The following USP42 variants were observed in gnomAD, a reference collection of about 807,000 sequenced individuals.
USP42 encodes the protein ubiquitin specific peptidase 42, also known as ubiquitin carboxyl-terminal hydrolase 42.
USP42 carries 23 observed loss-of-function variants against 113.0 expected under a neutral mutation model. That is an observed-to-expected ratio of 0.20 (90% CI 0.15 to 0.29). The LOEUF (loss-of-function observed/expected upper bound fraction) is 0.29. Ranked by LOEUF, USP42 falls within the 10% of genes least tolerant of loss-of-function variation. The pLI, the probability that USP42 is intolerant of heterozygous loss-of-function variation, is 1.00. For missense variants in USP42, 2,174 were observed against 1,779.8 expected, an observed-to-expected ratio of 1.22 and a Z score of -3.99; for synonymous variants, 933 against 699.0, an observed-to-expected ratio of 1.33 and a Z score of -5.28.
At chr7:6,082,611 T>TTTTTTTTTTTC in the USP42 span, among the ~76,000 whole-genome samples, 1 of 82,766 alleles carries the variant, frequency 1.2e-5, no homozygotes, top group Non-Finnish European at 2.9e-5. Context: ...CTGTTTTTTT[T>TTTTTTTTTTTC]TTTTTTTTTT....
At position 6,158,735 on chromosome 7, in the gene USP42, A is replaced by G. The variant is rs1472474767; in HGVS notation, c.3944-715A>G. ...CGTTCCCATTTCAGCGAATCGGGGA[A>G]GGAGATTCGTGAGGGCTGCTTGGTA... On this transcript the variant is annotated intron_variant, in intron 16 of 17. Coordinates refer to ENST00000306177, the MANE Select transcript of USP42 (RefSeq NM_032172.3). The surrounding 1 kb of genome is among the most constrained non-coding windows in gnomAD (Gnocchi z 4.2). Among the ~76,000 whole-genome samples, 1 of 152,096 alleles carries G rather than the reference A, an allele frequency of 6.6e-6. No individual in the cohort carries two copies. The highest frequency in any genetic ancestry group is 1.5e-5 in the Non-Finnish European group (1 of 68,010).
At chr7:6,105,734 C>A (rs1284563743) in intron 1 of USP42, among the ~76,000 whole-genome samples, 1 of 152,142 alleles carries the variant, frequency 6.6e-6, no homozygotes, top group Non-Finnish European at 1.5e-5. Context: ...ATTTTCGGGG[C>A]AGGAAGAGCC....
At chr7:6,136,244 T>C (rs1441678556) in intron 4 of USP42, among the ~76,000 whole-genome samples, 1 of 152,084 alleles carries the variant, frequency 6.6e-6, no homozygotes, top group African/African-American at 2.4e-5. Flanking sequence ...CCTCAGTTGA[T>C]CCACCTGCCT....
the USP42 span, among the ~76,000 whole-genome samples, chr7:6,084,271 C>T: frequency 8.6e-5 from 13 of 151,444 alleles, no homozygotes; most frequent in Admixed American, 2.0e-4. Flanking sequence ...AGGAGATCTG[C>T]CCACCTTGGC....
chr7:6,141,621 C>A (rs1256566728), intron 7 of USP42, among the ~76,000 whole-genome samples: 1 of 150,708 alleles, frequency 6.6e-6, no homozygotes, highest in Non-Finnish European at 1.5e-5. Context: ...TGCAGTGGCG[C>A]AATATCAGCT....
the USP42 span, among the ~76,000 whole-genome samples, chr7:6,095,488 T>A: frequency 6.6e-6 from 1 of 150,990 alleles, no homozygotes; most frequent in Non-Finnish European, 1.5e-5. Context: ...GCCAACATAG[T>A]GAAACCCCGT....
At chr7:6,110,034 A>G (rs1779510839) in intron 1 of USP42, among the ~76,000 whole-genome samples, 1 of 151,692 alleles carries the variant, frequency 6.6e-6, no homozygotes, top group South Asian at 2.1e-4. Flanking sequence ...GGGTCTCACC[A>G]TGTTGGCCAG....
rs1583667836 is a variant in USP42, at chr7:6,148,453, TC to T, written c.1386+563del. On this transcript the variant is annotated intron_variant, in intron 12 of 17. Transcript: ENST00000306177. ...TTAAATTTTAGGTCCCCTCTGGACTTCCATTCTTCTCAAAGGGTTAAACACT... is the reference window on the plus strand; with the variant it reads ...TTAAATTTTAGGTCCCCTCTGGACTTCATTCTTCTCAAAGGGTTAAACACT... Among the ~76,000 whole-genome samples the T allele has an allele frequency of 4.6e-5, 7 of 152,348 alleles. No homozygotes were observed. In the South Asian group the frequency reaches 8.3e-4, roughly 18 times the overall value.
Position 6,155,135 on chromosome 7 carries a change from A to G in USP42, c.3581A>G (p.Lys1194Arg). The G allele has an allele frequency of 6.4e-7, 1 of 1,551,328 alleles. No individual in the cohort carries two copies. The highest frequency in any genetic ancestry group is 1.2e-5 in the South Asian group (1 of 83,940). ...KDPLEEPKAK[K>R]HKKSKKKKKS... ...CCTCTAGAAGAGCCTAAAGCAAAGA[A>G]GCACAAAAAATCAAAGAAGAAAAAG... Residue 1194 changes from lysine to arginine, a missense_variant, in exon 15 of 18, where the codon AAG becomes AGG. Physicochemically the swap from Lys to Arg is conservative, Grantham distance 26. Transcript: ENST00000306177.
chr7:6,149,804 G>T lies in USP42; in HGVS notation c.1608G>T (p.Gln536His), dbSNP rs749832963. ...ACAAGTTGCCTGTTCGCCAGTGTCA[G>T]TCTCAACCTAACCTTCATAGTAATT... ...IHNKLPVRQC[Q>H]SQPNLHSNSL... Residue 536 changes from glutamine (Q) to histidine (H), a missense_variant, in exon 13 of 18, where the codon CAG becomes CAT. Transcript: ENST00000306177. The T allele has an allele frequency of 3.1e-6, 5 of 1,614,020 alleles. No homozygotes were observed. In the East Asian group the frequency reaches 8.9e-5, roughly 29 times the overall value.
chr7:6,099,378 C>A, the USP42 span, among the ~76,000 whole-genome samples: 3 of 148,926 alleles, frequency 2.0e-5, no homozygotes, highest in Admixed American at 6.7e-5. Context: ...CCATGCCCGG[C>A]TAATTTTTTG....
rs550616901 is a variant in USP42 at position 6,148,328 on chromosome 7, C to T, written c.1386+436C>T. On this transcript the variant is annotated intron_variant, in intron 12 of 17. Transcript: ENST00000306177. ...CTCCAGCCTGGGCAACAGAGTGAGA[C>T]CCCGTCTCCAAAATAACCCCCCAAA... 3.9e-5 allele frequency among the ~76,000 whole-genome samples: 6 copies of T among 152,168 alleles called. No individual in the cohort carries two copies. In the South Asian group the frequency reaches 1.2e-3, roughly 32 times the overall value.
chr7:6,131,118 C>A (rs1410029220), intron 3 of USP42, among the ~76,000 whole-genome samples: 2 of 152,096 alleles, frequency 1.3e-5, no homozygotes, highest in Non-Finnish European at 2.9e-5. Flanking sequence ...CTTGCACGAA[C>A]GCTGAGCCCT....
the USP42 span, among the ~76,000 whole-genome samples, chr7:6,097,287 G>T: frequency 1.4e-4 from 21 of 150,790 alleles, no homozygotes; most frequent in African/African-American, 5.2e-4. Flanking sequence ...CCAGCTGGTA[G>T]CATGCATTTT....
Position 6,156,947 on chromosome 7 carries a change from C to T in USP42, c.3835C>T (p.Leu1279Phe). The T allele has an allele frequency of 2.5e-6, 4 of 1,613,844 alleles. No individual in the cohort carries two copies. Among genetic ancestry groups the T allele is most frequent in the Non-Finnish European group, 2.5e-6 (3 of 1,179,820 alleles). ...QFRRAQGGFPLSGGPPLEGVG... is the reference protein window; with the variant it reads ...QFRRAQGGFPFSGGPPLEGVG... ...CCGGAGAGCCCAGGGTGGCTTTCCT[C>T]TCTCTGGTGGCCCGCCTCTGGAAGG... Residue 1279 changes from leucine to phenylalanine, a missense_variant, in exon 16 of 18, where the codon CTC (leucine) becomes TTC (phenylalanine). Transcript: ENST00000306177.
At chr7:6,097,229 C>T in the USP42 span, among the ~76,000 whole-genome samples, 2 of 151,070 alleles carry the variant, frequency 1.3e-5, no homozygotes, top group African/African-American at 5.0e-5. Context: ...CTCTGCCCTC[C>T]GTGGTCCTGG....
the USP42 span, among the ~76,000 whole-genome samples, chr7:6,082,734 C>A: frequency 6.8e-6 from 1 of 146,478 alleles, no homozygotes; most frequent in Admixed American, 6.9e-5. Flanking sequence ...TCTGAGCCTC[C>A]GTAGTAGCTG....
At chr7:6,092,026 C>CTT in the USP42 span, among the ~76,000 whole-genome samples, 75 of 109,694 alleles carry the variant, frequency 6.8e-4, 2 homozygotes, top group African/African-American at 2.7e-3. Flanking sequence ...TCTTCTTCTT[C>CTT]TTCTTCTTCT....
chr7:6,124,620 G>C (rs372570434), intron 3 of USP42, among the ~76,000 whole-genome samples: 5 of 152,104 alleles, frequency 3.3e-5, no homozygotes, highest in Non-Finnish European at 5.9e-5. Context: ...TTATCCAATA[G>C]TAGCCTCTGC....
Sources: gnomAD v4.1 joint callset for allele counts (sites outside exome capture counted in the v4.1 genomes callset) on GRCh38, gnomAD v4.1.1 for gene constraint, Gnocchi (gnomAD v3.1) non-coding constraint, MANE v1.5 for transcripts, NCBI Gene and HGNC (gene_info 2026-07-23, HGNC 2026-07-21) for gene names.